The following CDH12 variants were observed in gnomAD, a reference collection of about 807,000 sequenced individuals.
The protein encoded by CDH12 is cadherin 12, also known as cadherin-12.
CDH12 carries 41 observed loss-of-function variants against 74.1 expected under a neutral mutation model. The ratio of observed to expected loss-of-function variants is 0.55; its 90% CI spans 0.43 to 0.72. The LOEUF (loss-of-function observed/expected upper bound fraction) is 0.72, where lower values mean the gene tolerates loss of function less well. Ranked by LOEUF, CDH12 falls within the 30% of genes least tolerant of loss-of-function variation. The probability of loss-of-function intolerance (pLI) is 0.00; values close to 1 mark genes in which losing one functional copy is unlikely to be tolerated. For missense variants in CDH12, 945 were observed against 977.2 expected (o/e 0.97, Z 0.44); for synonymous variants, 399 against 355.0 (o/e 1.12, Z -1.39).
chr5:22,432,026 G>A (rs746079445), intron 2 of CDH12, among the ~76,000 whole-genome samples: 1 of 152,106 alleles, frequency 6.6e-6, no homozygotes, highest in Non-Finnish European at 1.5e-5. Flanking sequence ...ACTCACCCTA[G>A]GCGTTCAAAC....
chr5:22,280,643 G>C (rs879938449), intron 3 of CDH12, among the ~76,000 whole-genome samples: 4 of 152,068 alleles, frequency 2.6e-5, no homozygotes, highest in African/African-American at 7.2e-5. Flanking sequence ...TAAATTCCTC[G>C]ACACATACAC....
intron 1 of CDH12, among the ~76,000 whole-genome samples, chr5:22,553,549 T>C (rs1738669152): frequency 6.6e-6 from 1 of 151,968 alleles, no homozygotes; most frequent in Admixed American, 6.6e-5. Context: ...ATGAAATACT[T>C]AGGTATAAAT....
intron 1 of CDH12, among the ~76,000 whole-genome samples, chr5:22,551,728 AAAAAT>A (rs1007689252): frequency 3.5e-5 from 5 of 144,758 alleles, no homozygotes; most frequent in African/African-American, 1.3e-4. Context: ...CCATTATAAA[AAAAAT>A]AAATAAACCA....
At chr5:22,166,713 C>T (rs1296591977) in intron 4 of CDH12, among the ~76,000 whole-genome samples, 1 of 152,018 alleles carries the variant, frequency 6.6e-6, no homozygotes, top group African/African-American at 2.4e-5. Context: ...AAAATGATTA[C>T]AAAGAAAGCT....
At chr5:21,852,247 A>T (rs1466791574) in intron 7 of CDH12, among the ~76,000 whole-genome samples, 1 of 151,402 alleles carries the variant, frequency 6.6e-6, no homozygotes, top group Non-Finnish European at 1.5e-5. Flanking sequence ...AGGTACTGTT[A>T]ATATCAAGAC....
At chr5:22,378,385 A>C (rs1338491439) in intron 3 of CDH12, among the ~76,000 whole-genome samples, 1 of 152,106 alleles carries the variant, frequency 6.6e-6, no homozygotes, top group Non-Finnish European at 1.5e-5. Flanking sequence ...TTGGTTAATG[A>C]TGAATGGCTT....
At chr5:21,964,723 C>T (rs183356741) in intron 6 of CDH12, among the ~76,000 whole-genome samples, 1 of 152,024 alleles carries the variant, frequency 6.6e-6, no homozygotes, top group Admixed American at 6.6e-5. Flanking sequence ...AATGCATAAA[C>T]AAGATGTATT....
At chr5:21,872,783 GATCTATCTATCTATCTATCT>G (rs60717134) in intron 6 of CDH12, among the ~76,000 whole-genome samples, 26 of 142,130 alleles carry the variant, frequency 1.8e-4, no homozygotes, top group Admixed American at 3.5e-4. Flanking sequence ...TTAAGAGTAA[GATCTATCTATCTATCTATCT>G]ATCTATCTAT....
At chr5:22,683,808 C>T (rs1176696275) in intron 1 of CDH12, among the ~76,000 whole-genome samples, 2 of 152,136 alleles carry the variant, frequency 1.3e-5, no homozygotes, top group Admixed American at 1.3e-4. Context: ...CCAACATTGT[C>T]CATGCTGTCC....
chr5:22,096,785 A>G (rs1743807812), intron 4 of CDH12, among the ~76,000 whole-genome samples: 1 of 152,134 alleles, frequency 6.6e-6, no homozygotes, highest in Non-Finnish European at 1.5e-5. Flanking sequence ...AGCAACCCTG[A>G]GATGCTTTAC....
chr5:22,065,321 T>C (rs567712868), intron 5 of CDH12, among the ~76,000 whole-genome samples: 10 of 152,252 alleles, frequency 6.6e-5, no homozygotes, highest in Admixed American at 1.3e-4. Flanking sequence ...CATGTGGGAA[T>C]AGATATATAG....
chr5:21,816,679 A>ATACAAAC (rs1265424126), intron 9 of CDH12, among the ~76,000 whole-genome samples: 1 of 147,056 alleles, frequency 6.8e-6, no homozygotes, highest in East Asian at 2.0e-4. Context: ...TATATATAAG[A>ATACAAAC]TACAAACTAT....
intron 1 of CDH12, among the ~76,000 whole-genome samples, chr5:22,646,634 G>T (rs1284459197): frequency 1.3e-5 from 2 of 151,796 alleles, no homozygotes; most frequent in East Asian, 3.9e-4. Context: ...GCAAATATTA[G>T]TGCAAGATTA....
chr5:22,166,904 G>A lies in CDH12; in HGVS notation c.-187+45594C>T, dbSNP rs1208998908. On this transcript the variant is annotated intron_variant, in intron 4 of 14. Transcript: ENST00000382254. Reference sequence around the variant, plus strand: ...GGCAAAAGTCAATTTGAACCCAGTTGAAGTAATCATTTAACTGATAAGTAA... The same window carrying A: ...GGCAAAAGTCAATTTGAACCCAGTTAAAGTAATCATTTAACTGATAAGTAA... 4.6e-5 allele frequency among the ~76,000 whole-genome samples: 7 copies of A among 152,142 alleles called. No homozygotes were observed. In the South Asian group the frequency reaches 1.4e-3, roughly 32 times the overall value.
intron 1 of CDH12, among the ~76,000 whole-genome samples, chr5:22,526,059 A>G (rs555993451): frequency 6.6e-6 from 1 of 152,292 alleles, no homozygotes; most frequent in East Asian, 1.9e-4. Flanking sequence ...TTTCTTTCTC[A>G]AAGCCGAAAG....
At chr5:22,651,426 G>A (rs1336335658) in intron 1 of CDH12, among the ~76,000 whole-genome samples, 1 of 152,078 alleles carries the variant, frequency 6.6e-6, no homozygotes, top group East Asian at 1.9e-4. Context: ...GATGTCAGAA[G>A]GTGAAGCAGA....
At chr5:22,752,986 T>C (rs1313898799) in intron 1 of CDH12, among the ~76,000 whole-genome samples, 1 of 151,524 alleles carries the variant, frequency 6.6e-6, no homozygotes, top group Admixed American at 6.6e-5. Context: ...CACAAGAAAA[T>C]AAACAAAGAA....
rs538009496 is a variant in CDH12 at position 22,578,186 on chromosome 5, C to G, written c.-522-72822G>C. Among the ~76,000 whole-genome samples, 8 of 152,134 alleles carry G rather than the reference C, an allele frequency of 5.3e-5. No individual in the cohort carries two copies. In the South Asian group the frequency reaches 1.7e-3, roughly 32 times the overall value. ...TCACTTCTAGTAAAGAATGATCATG[C>G]AAAAATTTTAAAATATAAAGAATAA... On this transcript the variant is annotated intron_variant, in intron 1 of 14. Coordinates refer to ENST00000382254, the MANE Select transcript of CDH12 (RefSeq NM_004061.5).
At chr5:22,080,215 T>C (rs1388046870) in intron 4 of CDH12, among the ~76,000 whole-genome samples, 1 of 152,212 alleles carries the variant, frequency 6.6e-6, no homozygotes, top group African/African-American at 2.4e-5. Context: ...GGTGTTTTTG[T>C]CAACTAGTCA....
Sources: allele counts gnomAD v4.1 joint callset (sites outside exome capture counted in the v4.1 genomes callset), GRCh38; gene constraint gnomAD v4.1.1; transcripts MANE v1.5; gene names NCBI Gene and HGNC (gene_info 2026-07-23, HGNC 2026-07-21).